The following RAB38 variants were observed in gnomAD, a reference collection of about 807,000 sequenced individuals.
RAB38 encodes RAB38, member RAS oncogene family, also known as ras-related protein Rab-38.
In RAB38, 15 loss-of-function variants were observed where a neutral mutation model predicts 18.4. The observed-to-expected ratio is 0.82, with a 90% confidence interval of 0.55 to 1.26. RAB38 has a LOEUF of 1.26. Ranked by LOEUF, RAB38 falls within the 50% of genes most tolerant of loss-of-function variation. The pLI is 0.00. For missense variants in RAB38, 294 were observed against 267.4 expected (o/e 1.10, Z -0.69); for synonymous variants, 101 against 104.4 (o/e 0.97, Z 0.20).
At chr11:88,150,028 C>A in intron 1 of RAB38, 73 bp from the exon 2 acceptor site, 1 of 1,461,446 alleles carries the variant, frequency 6.8e-7, no homozygotes, top group Non-Finnish European at 9.2e-7. Flanking sequence ...CTTCATGAAG[C>A]CTCCAAGATG....
the RAB38 span, among the ~76,000 whole-genome samples, chr11:87,859,702 A>T: frequency 1.6e-4 from 25 of 152,196 alleles, no homozygotes; most frequent in African/African-American, 6.0e-4. Flanking sequence ...GTCCAGAGCT[A>T]GTTCTTGTTG....
intron 1 of RAB38, among the ~76,000 whole-genome samples, chr11:88,168,595 G>A (rs1031214590): frequency 1.3e-5 from 2 of 152,086 alleles, no homozygotes; most frequent in African/African-American, 2.4e-5. Flanking sequence ...AAATTTCTCT[G>A]CTTATCAAGT....
At chr11:88,152,346 AAG>A (rs1197523143) in intron 1 of RAB38, among the ~76,000 whole-genome samples, 1 of 152,170 alleles carries the variant, frequency 6.6e-6, no homozygotes, top group African/African-American at 2.4e-5. Context: ...ATATATGATA[AAG>A]AGTTATTTTA....
At chr11:88,063,529 G>C in the RAB38 span, among the ~76,000 whole-genome samples, 2 of 152,136 alleles carry the variant, frequency 1.3e-5, no homozygotes, top group East Asian at 3.9e-4. Context: ...AGTAAAGCCA[G>C]GGCTTAAGCA....
chr11:87,946,589 G>A, the RAB38 span, among the ~76,000 whole-genome samples: 1 of 151,292 alleles, frequency 6.6e-6, no homozygotes, highest in African/African-American at 2.4e-5. Flanking sequence ...CCCTTCCTGT[G>A]TCCATGTGTT....
chr11:87,826,489 A>G, the RAB38 span, among the ~76,000 whole-genome samples: 1 of 152,160 alleles, frequency 6.6e-6, no homozygotes, highest in Admixed American at 6.6e-5. Flanking sequence ...TTTTTAAAAA[A>G]TAAAAATGCA....
At chr11:88,037,291 T>C in the RAB38 span, among the ~76,000 whole-genome samples, 2 of 152,210 alleles carry the variant, frequency 1.3e-5, no homozygotes, top group South Asian at 4.1e-4. Flanking sequence ...TTATTTCCCC[T>C]CTGCAGCATT....
chr11:88,043,418 C>T, the RAB38 span, among the ~76,000 whole-genome samples: 1 of 152,134 alleles, frequency 6.6e-6, no homozygotes, highest in Non-Finnish European at 1.5e-5. Flanking sequence ...ATTGTCAGAC[C>T]TCTGAGCCCA....
chr11:87,925,384 G>A, the RAB38 span, among the ~76,000 whole-genome samples: 1 of 152,052 alleles, frequency 6.6e-6, no homozygotes, highest in East Asian at 1.9e-4. Context: ...CAGGCATTGT[G>A]CTAAGCATCT....
At chr11:87,861,474 T>C in the RAB38 span, among the ~76,000 whole-genome samples, 3 of 151,750 alleles carry the variant, frequency 2.0e-5, no homozygotes, top group African/African-American at 7.3e-5. Context: ...ATCAAAGCAA[T>C]GGCTACCAAC....
chr11:87,808,709 C>A, the RAB38 span, among the ~76,000 whole-genome samples: 1 of 152,034 alleles, frequency 6.6e-6, no homozygotes, highest in Admixed American at 6.6e-5. Context: ...CTTACTTTAG[C>A]CATAATACAA....
At chr11:88,174,943 C>G (rs1943365036) in intron 1 of RAB38, among the ~76,000 whole-genome samples, 2 of 152,250 alleles carry the variant, frequency 1.3e-5, no homozygotes, top group South Asian at 4.1e-4. Flanking sequence ...CTGCTCTGGG[C>G]AGAGAGATCC....
chr11:88,056,820 AATAAATAAATAAATACATACATAC>A, the RAB38 span, among the ~76,000 whole-genome samples: 2,204 of 110,782 alleles, frequency 0.02, 19 homozygotes, highest in South Asian at 0.031. Flanking sequence ...TAAATAAATA[AATAAATAAATAAATACATACATAC>A]ATACATACAT....
intron 2 of RAB38, among the ~76,000 whole-genome samples, chr11:88,127,338 G>A (rs1476510220): frequency 6.6e-6 from 1 of 152,192 alleles, no homozygotes; most frequent in Non-Finnish European, 1.5e-5. Context: ...TGGGAGAACA[G>A]GCTTTCTCTT....
the RAB38 span, among the ~76,000 whole-genome samples, chr11:87,822,508 G>A: frequency 2.6e-5 from 4 of 152,150 alleles, no homozygotes; most frequent in Admixed American, 2.0e-4. Context: ...GCTCAACTGT[G>A]AATGAATCCT....
the RAB38 span, among the ~76,000 whole-genome samples, chr11:87,943,014 T>C: frequency 1.3e-5 from 2 of 152,068 alleles, no homozygotes; most frequent in African/African-American, 4.8e-5. Flanking sequence ...AAAATTGGAA[T>C]GGGTAATTCT....
the RAB38 span, among the ~76,000 whole-genome samples, chr11:88,032,858 C>T: frequency 6.6e-6 from 1 of 152,154 alleles, no homozygotes; most frequent in East Asian, 1.9e-4. Flanking sequence ...ACCATTTGAC[C>T]CAGCCATCCC....
At chr11:87,917,279 G>C in the RAB38 span, among the ~76,000 whole-genome samples, 14 of 152,064 alleles carry the variant, frequency 9.2e-5, no homozygotes, top group South Asian at 2.1e-4. Context: ...TATATGACTC[G>C]TAGAGAGATG....
At chr11:87,918,717 CAA>C in the RAB38 span, among the ~76,000 whole-genome samples, 1 of 150,772 alleles carries the variant, frequency 6.6e-6, no homozygotes, top group Non-Finnish European at 1.5e-5. Context: ...ATTTTTAAAT[CAA>C]GTTATTGTTT....
Sources: gnomAD v4.1 joint callset for allele counts (sites outside exome capture counted in the v4.1 genomes callset) on GRCh38, gnomAD v4.1.1 for gene constraint, MANE v1.5 for transcripts, NCBI Gene and HGNC (gene_info 2026-07-23, HGNC 2026-07-21) for gene names.